The following ADCY1 variants were observed in gnomAD, a reference collection of about 807,000 sequenced individuals.
ADCY1 encodes the protein adenylate cyclase type 1.
Under a neutral mutation model 105.4 loss-of-function variants are expected in ADCY1, and 28 were observed. The observed-to-expected ratio is 0.27, with a 90% confidence interval of 0.20 to 0.36. The LOEUF (loss-of-function observed/expected upper bound fraction) is 0.36, where lower values mean the gene tolerates loss of function less well. ADCY1 is among the 10% of genes least tolerant of loss of function. ADCY1 has a pLI of 1.00. For missense variants in ADCY1, 977 were observed against 1,434.2 expected (o/e 0.68, Z 5.15); for synonymous variants, 655 against 623.8 (o/e 1.05, Z -0.75).
intron 3 of ADCY1, among the ~76,000 whole-genome samples, chr7:45,617,254 G>T (rs1793763366): frequency 6.6e-6 from 1 of 152,220 alleles, no homozygotes; most frequent in Non-Finnish European, 1.5e-5. Flanking sequence ...AAGCAATCAT[G>T]GTGTGGTCTG....
chr7:45,598,798 A>G (rs1451576143), intron 2 of ADCY1, among the ~76,000 whole-genome samples: 2 of 152,260 alleles, frequency 1.3e-5, no homozygotes, highest in Non-Finnish European at 2.9e-5. Context: ...GATCAGTCAC[A>G]GCATAGAAAG....
intron 6 of ADCY1, 87 bp from the exon 7 acceptor site, chr7:45,659,955 C>A: frequency 1.3e-6 from 2 of 1,530,254 alleles, no homozygotes; most frequent in Admixed American, 1.8e-5. Flanking sequence ...AAGCCTCTGT[C>A]TGTGCCCCTT....
At chr7:45,642,222 G>GA (rs1020853063) in intron 4 of ADCY1, among the ~76,000 whole-genome samples, 3 of 152,156 alleles carry the variant, frequency 2.0e-5, no homozygotes, top group Non-Finnish European at 2.9e-5. Context: ...TCAGGGTAAG[G>GA]AAGGGGTGGG....
chr7:45,576,897 A>G (rs1792365591), intron 1 of ADCY1, among the ~76,000 whole-genome samples: 1 of 152,182 alleles, frequency 6.6e-6, no homozygotes, highest in African/African-American at 2.4e-5. Context: ...CAGCTGGTGT[A>G]ATAAAAGGCT....
chr7:45,660,296 G>A, intron 7 of ADCY1, 113 bp downstream of exon 7: 3 of 1,438,812 alleles, frequency 2.1e-6, no homozygotes, highest in East Asian at 2.3e-5. Flanking sequence ...TCTGGGCTGT[G>A]AACTTGCTAA....
chr7:45,612,106 A>C (rs1251316709), intron 3 of ADCY1, among the ~76,000 whole-genome samples: 1 of 152,136 alleles, frequency 6.6e-6, no homozygotes, highest in Non-Finnish European at 1.5e-5. Context: ...TTCACTGCCC[A>C]TTGTCATGCT....
At position 45,704,632 on chromosome 7, in the gene ADCY1, C is replaced by A; in HGVS notation, c.2817+16C>A. 1 of 1,605,498 alleles carries A rather than the reference C, an allele frequency of 6.2e-7. No individual in the cohort carries two copies. Among genetic ancestry groups the A allele is most frequent in the Non-Finnish European group, 8.5e-7 (1 of 1,172,814 alleles). ...GGGGACCAAGGTGAGTGCAGCCTGG[C>A]GCTGCCTGCTTGGGGACTGGGTCCA... On this transcript the variant is annotated intron_variant, in intron 17 of 19. Transcript: ENST00000297323.
At chr7:45,667,442 T>C (rs989779477) in intron 8 of ADCY1, among the ~76,000 whole-genome samples, 2 of 152,210 alleles carry the variant, frequency 1.3e-5, no homozygotes, top group African/African-American at 4.8e-5. Context: ...TAGTTGTAGA[T>C]GTGTGGCATT....
chr7:45,590,724 T>C (rs1316162633), intron 1 of ADCY1, among the ~76,000 whole-genome samples: 3 of 152,080 alleles, frequency 2.0e-5, no homozygotes, highest in Non-Finnish European at 4.4e-5. Flanking sequence ...GGTCACCTTC[T>C]TGATGCTCAG....
chr7:45,708,223 G>A lies in ADCY1; in HGVS notation c.2818-127G>A. 3.1e-6 allele frequency: 2 copies of A among 637,658 alleles called. No individual in the cohort carries two copies. The highest frequency in any genetic ancestry group is 3.8e-5 in the South Asian group (2 of 52,408). The allele number at this position is 637,658 out of a possible 1,614,324, so 39.5% of individuals were successfully genotyped here. A position where few individuals can be genotyped will look rare whatever the true frequency, so the allele number is the denominator to read the frequency against. On this transcript the variant is annotated intron_variant, in intron 17 of 19. Coordinates refer to ENST00000297323, the MANE Select transcript of ADCY1 (RefSeq NM_021116.4). The surrounding 1 kb of genome is among the most constrained non-coding windows in gnomAD (Gnocchi z 4.7). ...CTACCTGTAGAATGGAATGATAAAT[G>A]TGCCTATAGCCAGGCACTCAGAGTG...
chr7:45,610,768 T>G (rs1562687008), intron 3 of ADCY1, among the ~76,000 whole-genome samples: 1 of 141,038 alleles, frequency 7.1e-6, no homozygotes, highest in Non-Finnish European at 1.6e-5. Flanking sequence ...GTAGAGGTGA[T>G]AGTGGAGGTG....
intron 4 of ADCY1, among the ~76,000 whole-genome samples, chr7:45,635,601 G>GGTTTT (rs1794379951): frequency 1.7e-5 from 1 of 57,198 alleles, no homozygotes; most frequent in Admixed American, 1.8e-4. Context: ...AATTTCTCTT[G>GGTTTT]TTTTTTTTTT....
intron 3 of ADCY1, among the ~76,000 whole-genome samples, chr7:45,618,562 A>G (rs967676740): frequency 3.3e-5 from 5 of 152,230 alleles, no homozygotes; most frequent in Admixed American, 2.0e-4. Flanking sequence ...AAAGCATCTG[A>G]ATAGGCATTT....
intron 14 of ADCY1, among the ~76,000 whole-genome samples, chr7:45,692,567 TG>T (rs34359165): frequency 1.6e-4 from 25 of 152,132 alleles, no homozygotes; most frequent in Admixed American, 1.2e-3. Flanking sequence ...GAGTGCTAGG[TG>T]GGGTAAGTAT....
rs1784404622 is a variant in ADCY1 at position 45,673,782 on chromosome 7, C to T, written c.1606-4087C>T. On this transcript the variant is annotated intron_variant, in intron 8 of 19. Coordinates refer to ENST00000297323, the MANE Select transcript of ADCY1 (RefSeq NM_021116.4). ...TATTGAATTCTTCTCTTTATTATTTCCTTTCTACTGTTAGCTTTGAGTCTA... is the reference window on the plus strand; with the variant it reads ...TATTGAATTCTTCTCTTTATTATTTTCTTTCTACTGTTAGCTTTGAGTCTA... Among the ~76,000 whole-genome samples, 3 of 151,070 alleles carry T rather than the reference C, an allele frequency of 2.0e-5. No individual in the cohort carries two copies. In the South Asian group the frequency reaches 6.3e-4, roughly 32 times the overall value.
intron 8 of ADCY1, 39 bp downstream of exon 8, chr7:45,662,253 A>G: frequency 6.3e-7 from 1 of 1,594,272 alleles, no homozygotes; most frequent in Non-Finnish European, 8.5e-7. Context: ...TGGAGCTGCC[A>G]GGGACTGATC....
chr7:45,625,879 G>A (rs111696409), intron 4 of ADCY1, among the ~76,000 whole-genome samples: 2,742 of 152,318 alleles, frequency 0.018, 60 homozygotes, highest in African/African-American at 0.051. Flanking sequence ...ATGTGTGCAC[G>A]GATGTGTGCA....
chr7:45,574,231 G>T (rs1792242567), upstream of ADCY1: 1 of 830,206 alleles, frequency 1.2e-6, no homozygotes, highest in Middle Eastern at 6.1e-4. This position sits in a 1 kb window ranked among gnomAD's most constrained non-coding sequence, Gnocchi z 7.0. Context: ...GGGAACGCAG[G>T]ACGCGGAGTT....
At chr7:45,622,291 C>T (rs924672811) in intron 3 of ADCY1, among the ~76,000 whole-genome samples, 3 of 152,090 alleles carry the variant, frequency 2.0e-5, no homozygotes, top group Admixed American at 2.0e-4. Context: ...TGGCCACATC[C>T]CAGTCACGTA....
Sources: gnomAD v4.1 joint callset for allele counts (sites outside exome capture counted in the v4.1 genomes callset) on GRCh38, gnomAD v4.1.1 for gene constraint, Gnocchi (gnomAD v3.1) non-coding constraint, MANE v1.5 for transcripts, NCBI Gene and HGNC (gene_info 2026-07-23, HGNC 2026-07-21) for gene names.